Variants in HDAC9 observed in about 807,000 individuals in gnomAD.
HDAC9 encodes MEF-2 interacting transcription repressor (MITR) protein.
In HDAC9, 41 loss-of-function variants were observed where a neutral mutation model predicts 139.4. The ratio of observed to expected loss-of-function variants is 0.29; its 90% CI spans 0.23 to 0.38. The LOEUF (loss-of-function observed/expected upper bound fraction) is 0.38. Among genes scored for constraint, HDAC9 ranks in the 10% least tolerant of loss-of-function variants. The pLI, the probability that HDAC9 is intolerant of heterozygous loss-of-function variation, is 1.00. For missense variants in HDAC9, 1,147 were observed against 1,297.0 expected (o/e 0.88, Z 1.78); for synonymous variants, 517 against 476.2 (o/e 1.09, Z -1.12).
chr7:18,745,780 T>G (rs1486225038), intron 13 of HDAC9, among the ~76,000 whole-genome samples: 2 of 151,604 alleles, frequency 1.3e-5, no homozygotes, highest in Non-Finnish European at 2.9e-5. Flanking sequence ...TCTGCTGACC[T>G]CATGATCCAT....
At chr7:18,744,019 T>G (rs996859747) in intron 13 of HDAC9, among the ~76,000 whole-genome samples, 5 of 147,904 alleles carry the variant, frequency 3.4e-5, no homozygotes, top group Admixed American at 6.7e-5. Flanking sequence ...CTAGTTTTTT[T>G]TTTTTTTTTT....
intron 1 of HDAC9, among the ~76,000 whole-genome samples, chr7:18,313,333 G>T (rs990712491): frequency 6.6e-6 from 1 of 152,126 alleles, no homozygotes; most frequent in Non-Finnish European, 1.5e-5. Context: ...CAGTAACTCA[G>T]AGATAACAAA....
chr7:18,953,928 C>G (rs1467908048), intron 23 of HDAC9, among the ~76,000 whole-genome samples: 5 of 152,036 alleles, frequency 3.3e-5, no homozygotes. Context: ...ATAGATTAGT[C>G]TTGTGACCAA....
At chr7:18,671,935 A>G (rs538301556) in intron 12 of HDAC9, among the ~76,000 whole-genome samples, 1 of 152,176 alleles carries the variant, frequency 6.6e-6, no homozygotes, top group African/African-American at 2.4e-5. Context: ...TTGTATGGCT[A>G]TACAACATTT....
intron 1 of HDAC9, among the ~76,000 whole-genome samples, chr7:18,483,933 G>A (rs1795776495): frequency 7.7e-6 from 1 of 129,750 alleles, no homozygotes; most frequent in Non-Finnish European, 1.7e-5. Context: ...AATGTCTGAA[G>A]GCCAATATAT....
intron 12 of HDAC9, among the ~76,000 whole-genome samples, chr7:18,691,199 C>G (rs1210927707): frequency 6.6e-6 from 1 of 151,980 alleles, no homozygotes; most frequent in Non-Finnish European, 1.5e-5. Context: ...TGGCAAACCA[C>G]TGAGAGCAAT....
chr7:18,123,717 G>A (rs1012715419), intron 1 of HDAC9, among the ~76,000 whole-genome samples: 5 of 152,152 alleles, frequency 3.3e-5, no homozygotes, highest in Admixed American at 2.6e-4. Context: ...AGGCAACAGG[G>A]TGTCTTCCAA....
intron 1 of HDAC9, among the ~76,000 whole-genome samples, chr7:18,141,051 T>C (rs1785864631): frequency 6.6e-6 from 1 of 152,172 alleles, no homozygotes; most frequent in East Asian, 1.9e-4. Context: ...TTTTGAGAAG[T>C]TGTGTGCCCT....
At chr7:18,308,913 G>A (rs1254627966) in intron 1 of HDAC9, among the ~76,000 whole-genome samples, 1 of 152,168 alleles carries the variant, frequency 6.6e-6, no homozygotes, top group Non-Finnish European at 1.5e-5. Context: ...CTTTACCTGT[G>A]TGCATAGATG....
At chr7:18,151,051 A>G (rs1453966062) in intron 1 of HDAC9, among the ~76,000 whole-genome samples, 1 of 152,160 alleles carries the variant, frequency 6.6e-6, no homozygotes, top group Non-Finnish European at 1.5e-5. Context: ...ATTTTAATAC[A>G]TGCATATATA....
rs145520504 is a variant in HDAC9, at chr7:18,362,054, G to A, written c.-42+71539G>A. On this transcript the variant is annotated intron_variant, in intron 1 of 3. Coordinates refer to the HDAC9 transcript ENST00000413509. Reference sequence around the variant, plus strand: ...TGCTCCTAAGGAGTCACCAGAGGGGGAGCAAATGGAGCACCAGCACATTCT... The same window carrying A: ...TGCTCCTAAGGAGTCACCAGAGGGGAAGCAAATGGAGCACCAGCACATTCT... 9.9e-3 allele frequency among the ~76,000 whole-genome samples: 1,504 copies of A among 152,294 alleles called. 16 individuals carry two copies. The highest frequency in any genetic ancestry group is 0.051 in the Middle Eastern group (15 of 294).
intron 25 of HDAC9, among the ~76,000 whole-genome samples, chr7:18,991,451 C>CT (rs1785946551): frequency 6.6e-6 from 1 of 152,138 alleles, no homozygotes; most frequent in Admixed American, 6.5e-5. Flanking sequence ...TCCTGGCTAA[C>CT]ACGGTGAAAC....
At chr7:18,336,918 C>G (rs1204817062) in intron 1 of HDAC9, among the ~76,000 whole-genome samples, 2 of 151,478 alleles carry the variant, frequency 1.3e-5, no homozygotes, top group Non-Finnish European at 3.0e-5. Flanking sequence ...CTAATTTTGT[C>G]AGGATATATT....
chr7:18,105,999 C>T (rs764370333), intron 1 of HDAC9, among the ~76,000 whole-genome samples: 11 of 152,128 alleles, frequency 7.2e-5, no homozygotes, highest in Non-Finnish European at 4.4e-5. Context: ...CTATTTTATT[C>T]AATTTATAGG....
At chr7:18,257,511 C>T (rs1795356313) in intron 2 of HDAC9, among the ~76,000 whole-genome samples, 1 of 151,650 alleles carries the variant, frequency 6.6e-6, no homozygotes, top group Non-Finnish European at 1.5e-5. Context: ...AGGTACTATC[C>T]ATTTTGTATA....
intron 1 of HDAC9, among the ~76,000 whole-genome samples, chr7:18,459,626 G>T (rs1007572049): frequency 6.6e-6 from 1 of 152,016 alleles, no homozygotes; most frequent in African/African-American, 2.4e-5. Context: ...CTGGGGTGAT[G>T]ATTTAATTTT....
At chr7:18,637,808 T>C (rs1330490916) in intron 8 of HDAC9, among the ~76,000 whole-genome samples, 1 of 152,040 alleles carries the variant, frequency 6.6e-6, no homozygotes, top group East Asian at 1.9e-4. Context: ...CAGAGATCTA[T>C]GGTGTAATTC....
chr7:18,426,938 AG>A (rs1210862476), intron 1 of HDAC9, among the ~76,000 whole-genome samples: 1 of 152,196 alleles, frequency 6.6e-6, no homozygotes, highest in Non-Finnish European at 1.5e-5. Flanking sequence ...TAGCACTTTC[AG>A]GGGCTGTTTT....
At chr7:18,151,487 C>T (rs532294788) in intron 1 of HDAC9, among the ~76,000 whole-genome samples, 3 of 152,232 alleles carry the variant, frequency 2.0e-5, no homozygotes, top group African/African-American at 7.2e-5. Context: ...TCTCATGGGC[C>T]AGTTAGTTTC....
Sources: allele counts gnomAD v4.1 joint callset (sites outside exome capture counted in the v4.1 genomes callset), GRCh38; gene constraint gnomAD v4.1.1; transcripts MANE v1.5; gene names NCBI Gene and HGNC (gene_info 2026-07-23, HGNC 2026-07-21).